The following SSBP3 variants were observed in gnomAD, a reference collection of about 807,000 sequenced individuals.
The protein encoded by SSBP3 is single stranded DNA binding protein 3.
In SSBP3, 5 loss-of-function variants were observed where a neutral mutation model predicts 69.6. The ratio of observed to expected loss-of-function variants is 0.07; its 90% CI spans 0.04 to 0.15. The LOEUF is 0.15. Ranked by LOEUF, SSBP3 falls within the 10% of genes least tolerant of loss-of-function variation. SSBP3 has a pLI of 1.00. For synonymous variants in SSBP3, 196 were observed against 193.4 expected (o/e 1.01, Z -0.11); for missense variants, 312 against 534.0 (o/e 0.58, Z 4.10).
chr1:54,334,132 T>C (rs956609522), intron 4 of SSBP3, among the ~76,000 whole-genome samples: 3 of 151,886 alleles, frequency 2.0e-5, no homozygotes, highest in African/African-American at 7.3e-5. Flanking sequence ...GGCGGGCGGA[T>C]CACGAGGTCA....
chr1:54,315,828 A>AT (rs946394599), intron 4 of SSBP3, among the ~76,000 whole-genome samples: 44 of 150,952 alleles, frequency 2.9e-4, no homozygotes, highest in African/African-American at 7.5e-4. Flanking sequence ...TGCCCAGCTG[A>AT]TTTTTTTTTC....
At chr1:54,255,920 A>T (rs977289108) in intron 7 of SSBP3, among the ~76,000 whole-genome samples, 3 of 152,054 alleles carry the variant, frequency 2.0e-5, no homozygotes, top group Non-Finnish European at 4.4e-5. Flanking sequence ...ATAAATACAA[A>T]AATTAGCCGG....
At chr1:54,327,267 A>AGGAG (rs1553139400) in intron 4 of SSBP3, among the ~76,000 whole-genome samples, 2 of 148,034 alleles carry the variant, frequency 1.4e-5, no homozygotes, top group Admixed American at 6.8e-5. Flanking sequence ...GAAGGAAGGA[A>AGGAG]GGAAAACAAC....
At chr1:54,291,493 C>CAT (rs397829734) in intron 4 of SSBP3, among the ~76,000 whole-genome samples, 12 of 152,076 alleles carry the variant, frequency 7.9e-5, no homozygotes, top group Admixed American at 4.6e-4. Flanking sequence ...AGTTGCCACA[C>CAT]GGGTTCGGCG....
At chr1:54,248,372 A>C (rs1008789931) in intron 9 of SSBP3, among the ~76,000 whole-genome samples, 1 of 152,200 alleles carries the variant, frequency 6.6e-6, no homozygotes, top group Non-Finnish European at 1.5e-5. Flanking sequence ...TGGGGACTTC[A>C]AGTAACATTT....
At chr1:54,305,965 T>C (rs1645893521) in intron 4 of SSBP3, among the ~76,000 whole-genome samples, 1 of 151,302 alleles carries the variant, frequency 6.6e-6, no homozygotes, top group South Asian at 2.1e-4. Context: ...CCAGTCCTCA[T>C]TTGTAAAAGT....
intron 9 of SSBP3, among the ~76,000 whole-genome samples, chr1:54,248,798 G>T (rs1204726990): frequency 6.6e-6 from 1 of 152,162 alleles, no homozygotes; most frequent in African/African-American, 2.4e-5. Flanking sequence ...GTTTGGCTCT[G>T]GGATTTAATA....
At chr1:54,390,905 C>T (rs138494553) in intron 4 of SSBP3, among the ~76,000 whole-genome samples, 5 of 152,210 alleles carry the variant, frequency 3.3e-5, no homozygotes, top group African/African-American at 9.6e-5. Flanking sequence ...TAAAAGCCGG[C>T]GAGCAGAGAC....
chr1:54,303,386 C>CAGGGGGG (rs1194200865), intron 4 of SSBP3, among the ~76,000 whole-genome samples: 1 of 151,844 alleles, frequency 6.6e-6, no homozygotes, highest in Non-Finnish European at 1.5e-5. Context: ...GCCCAGGGGG[C>CAGGGGGG]AGGGGGCAGG....
At chr1:54,342,091 G>A (rs930516301) in intron 4 of SSBP3, among the ~76,000 whole-genome samples, 1 of 152,194 alleles carries the variant, frequency 6.6e-6, no homozygotes, top group Non-Finnish European at 1.5e-5. Context: ...TCTGGATCTG[G>A]GCAAAGTTTC....
intron 4 of SSBP3, among the ~76,000 whole-genome samples, chr1:54,394,589 C>G (rs1648725239): frequency 6.6e-6 from 1 of 152,044 alleles, no homozygotes; most frequent in South Asian, 2.1e-4. Context: ...TCAGGGTCAC[C>G]CCAGGAAGTC....
At chr1:54,356,948 C>G (rs1028325888) in intron 4 of SSBP3, 1 of 152,292 alleles carries the variant, frequency 6.6e-6, no homozygotes, top group African/African-American at 2.4e-5. Flanking sequence ...CACACAGACG[C>G]AGAGAAAGGC....
chr1:54,281,901 G>C (rs758542864), intron 4 of SSBP3, among the ~76,000 whole-genome samples: 1 of 151,948 alleles, frequency 6.6e-6, no homozygotes, highest in Non-Finnish European at 1.5e-5. Flanking sequence ...GTTCGAGACC[G>C]GCGCGGGCAA....
upstream of SSBP3, among the ~76,000 whole-genome samples, chr1:54,410,100 C>G (rs1649952753): frequency 6.6e-6 from 1 of 152,188 alleles, no homozygotes; most frequent in African/African-American, 2.4e-5. Context: ...AGGGAATGAT[C>G]ATCATTTTCT....
At chr1:54,266,940 T>G (rs1252138643) in intron 5 of SSBP3, among the ~76,000 whole-genome samples, 1 of 152,190 alleles carries the variant, frequency 6.6e-6, no homozygotes, top group Non-Finnish European at 1.5e-5. Context: ...CAACCCTCCT[T>G]GCTGATGGTG....
At chr1:54,240,079 TGTGTGTGTGC>T (rs1443644388) in intron 13 of SSBP3, among the ~76,000 whole-genome samples, 799 of 32,746 alleles carry the variant, frequency 0.024, 9 homozygotes, top group East Asian at 0.093. Context: ...TGTGTGTGTG[TGTGTGTGTGC>T]GCGCGCGCGC....
intron 13 of SSBP3, among the ~76,000 whole-genome samples, chr1:54,240,085 TGTGCGCGCGCGCGC>T (rs1282688603): frequency 8.6e-4 from 33 of 38,568 alleles, no homozygotes; most frequent in Non-Finnish European, 1.5e-3. Context: ...TGTGTGTGTG[TGTGCGCGCGCGCGC>T]GTGTGCGTGC....
exon 18 of SSBP3, chr1:54,226,848 T>C (rs1044440661): frequency 4.8e-5 from 20 of 420,160 alleles, no homozygotes; most frequent in Non-Finnish European, 8.5e-5. Flanking sequence ...AAAAGGTCCT[T>C]TGGGGAAAGG....
rs929068588 is a variant in SSBP3 at position 54,252,518 on chromosome 1, C to T, written c.508-658G>A. Reference sequence around the variant, plus strand: ...TAGGAAATGCCACCCAGCCCCGGGGCGGGACAGGTGGCCACTAGGAGAGGG... The same window carrying T: ...TAGGAAATGCCACCCAGCCCCGGGGTGGGACAGGTGGCCACTAGGAGAGGG... On this transcript the variant is annotated intron_variant, in intron 7 of 17. Transcript: ENST00000610401. Among the ~76,000 whole-genome samples, 12 of 151,710 alleles carry T rather than the reference C, an allele frequency of 7.9e-5. No individual in the cohort carries two copies. The East Asian group carries it at 2.3e-3, about 30-fold the overall frequency.
Sources: gnomAD v4.1 joint callset for allele counts (sites outside exome capture counted in the v4.1 genomes callset) on GRCh38, gnomAD v4.1.1 for gene constraint, MANE v1.5 for transcripts, NCBI Gene and HGNC (gene_info 2026-07-23, HGNC 2026-07-21) for gene names.